TUFT1: variants seen among roughly 807,000 people sequenced by gnomAD.
The protein encoded by TUFT1 is tuftelin.
In TUFT1, 43 loss-of-function variants were observed where a neutral mutation model predicts 57.8. The observed-to-expected ratio is 0.74, with a 90% CI of 0.58 to 0.96. The LOEUF is 0.96. TUFT1 is among the 40% of genes least tolerant of loss of function. The pLI is 0.00. For synonymous variants in TUFT1, 166 were observed against 176.7 expected, an observed-to-expected ratio of 0.94 and a Z score of 0.48; for missense variants, 459 against 489.0, an observed-to-expected ratio of 0.94 and a Z score of 0.58.
chr1:151,566,212 A>G lies in TUFT1; in HGVS notation c.464A>G (p.Tyr155Cys). The G allele has an allele frequency of 3.7e-6, 6 of 1,611,910 alleles. No homozygotes were observed. In the South Asian group the frequency reaches 5.5e-5, roughly 15 times the overall value. ...NGFSQSPTAL[Y>C]SSPPEVDTCI... is the part of the protein sequence containing the mutation. ...TTTAGTCAGAGTCCCACAGCCCTGT[A>G]CAGCAGCCCACCTGAGGTAGGTAAC... The change falls in exon 6 of 13, where the codon TAC (tyrosine) becomes TGC (cysteine). Residue 155 changes from tyrosine to cysteine, a missense_variant. By Grantham distance (194) the Tyr-to-Cys change is radical. Transcript: ENST00000368849.
chr1:151,566,324 C>CTT, intron 6 of TUFT1, 96 bp downstream of exon 6: 7 of 978,582 alleles, frequency 7.2e-6, no homozygotes, highest in Non-Finnish European at 1.1e-5. Context: ...CTCTCTCTCT[C>CTT]TCTCATTAAA....
At position 151,583,279 on chromosome 1, in the gene TUFT1, A is replaced by G. The variant is rs1265433760; in HGVS notation, c.*1572A>G. The G allele has an allele frequency of 6.6e-6, 1 of 152,172 alleles. No individual in the cohort carries two copies. The highest frequency in any genetic ancestry group is 6.5e-5 in the Admixed American group (1 of 15,274). 9.4% of individuals were successfully genotyped at this position (152,172 alleles called of 1,614,324 possible). A position where few individuals can be genotyped will look rare whatever the true frequency, so the allele number is the denominator to read the frequency against. The stretch of plus-strand genomic sequence containing the variant: ...CTCTTCCTACAACCTTGAGAAGTAG[A>G]TAGGCATCAGAGTATGGTACTATAG... On this transcript the variant is annotated 3_prime_UTR_variant, in exon 13 of 13. Transcript: ENST00000368849.
At position 151,563,886 on chromosome 1, in the gene TUFT1, ATGG is replaced by A. The variant is rs1278158546; in HGVS notation, c.238-15_238-13del. The A allele has an allele frequency of 6.2e-7, 1 of 1,608,122 alleles. No individual in the cohort carries two copies. Among genetic ancestry groups the A allele is most frequent in the Non-Finnish European group, 8.5e-7 (1 of 1,174,560 alleles). Reference sequence around the variant, plus strand: ...ATTTAATTTGAGGTTTCTTAACTAAATGGTGTTCTTATTTCAGGTGTACTTGAA... The same window carrying A: ...ATTTAATTTGAGGTTTCTTAACTAAATGTTCTTATTTCAGGTGTACTTGAA... On this transcript the variant is annotated splice_polypyrimidine_tract_variant and intron_variant, in intron 3 of 12. Coordinates refer to ENST00000368849, the MANE Select transcript of TUFT1 (RefSeq NM_020127.3).
intron 7 of TUFT1, among the ~76,000 whole-genome samples, chr1:151,570,266 A>G (rs535354302): frequency 6.6e-6 from 1 of 152,352 alleles, no homozygotes; most frequent in African/African-American, 2.4e-5. Flanking sequence ...CTCTAAACTC[A>G]GCTTTGCTAT....
intron 7 of TUFT1, among the ~76,000 whole-genome samples, chr1:151,571,203 T>G (rs1666239540): frequency 6.6e-6 from 1 of 152,224 alleles, no homozygotes; most frequent in East Asian, 1.9e-4. Flanking sequence ...GGAGAATTTT[T>G]GAGAAGAGGC....
chr1:151,569,846 T>C (rs770731786), intron 7 of TUFT1, 76 bp downstream of exon 7: 80 of 1,187,124 alleles, frequency 6.7e-5, no homozygotes, highest in Non-Finnish European at 9.4e-5. Flanking sequence ...TGTCTCAGCT[T>C]GGACTTCCTG....
chr1:151,564,855 C>T, intron 5 of TUFT1: 1 of 354,476 alleles, frequency 2.8e-6, no homozygotes, highest in East Asian at 4.9e-5. Context: ...AAACACTGTA[C>T]AGAAATTGAA....
At chr1:151,561,983 A>G in intron 1 of TUFT1, 108 bp from the exon 2 acceptor site, 3 of 1,478,972 alleles carry the variant, frequency 2.0e-6, no homozygotes, top group Admixed American at 3.6e-5. Flanking sequence ...AGTGGTGATG[A>G]TAAGACCCGC....
intron 9 of TUFT1, among the ~76,000 whole-genome samples, chr1:151,576,730 T>A (rs766762234): frequency 5.9e-5 from 9 of 152,108 alleles, no homozygotes; most frequent in Non-Finnish European, 1.2e-4. Flanking sequence ...CCTCCTGGGT[T>A]CAGCCTCAGC....
chr1:151,545,979 T>G, intron 1 of TUFT1: 1 of 332,074 alleles, frequency 3.0e-6, no homozygotes. Context: ...GTTTTATCTT[T>G]CTTTCGAATA....
At position 151,582,404 on chromosome 1, in the gene TUFT1, A is replaced by C; in HGVS notation, c.*697A>C. The C allele has an allele frequency of 1.2e-5, 4 of 336,038 alleles. No homozygotes were observed. Among genetic ancestry groups the C allele is most frequent in the Non-Finnish European group, 2.3e-5 (4 of 170,236 alleles). 20.8% of individuals were successfully genotyped at this position (336,038 alleles called of 1,614,324 possible). A position where few individuals can be genotyped will look rare whatever the true frequency, so the allele number is the denominator to read the frequency against. ...TGTGTGACTTCTCTCTGCTGTGAAA[A>C]CTCCCAGAGTCTCTTTAGGGATTTT... is the stretch of plus-strand genomic sequence containing the variant. On this transcript the variant is annotated 3_prime_UTR_variant, in exon 13 of 13. Transcript: ENST00000368849.
chr1:151,543,645 G>C (rs1323438653), intron 1 of TUFT1, among the ~76,000 whole-genome samples: 1 of 152,168 alleles, frequency 6.6e-6, no homozygotes, highest in African/African-American at 2.4e-5. Flanking sequence ...TCTGGGGCCT[G>C]GGTAAGTGGA....
chr1:151,569,753 G>A lies in TUFT1; in HGVS notation c.577G>A (p.Asp193Asn), dbSNP rs898941767. 2 of 1,613,816 alleles carry A rather than the reference G, an allele frequency of 1.2e-6. No homozygotes were observed. Among genetic ancestry groups the A allele is most frequent in the Non-Finnish European group, 1.7e-6 (2 of 1,179,892 alleles). Reference sequence around the variant, plus strand: ...GGAGGCCAAGCGGCAACACCAGTCAGACTGTGTGGCTTTTGAGGTGAGATT... The same window carrying A: ...GGAGGCCAAGCGGCAACACCAGTCAAACTGTGTGGCTTTTGAGGTGAGATT... ...LQEAKRQHQSDCVAFEVTLSR... is the reference protein window; with the variant it reads ...LQEAKRQHQSNCVAFEVTLSR... Residue 193 changes from aspartate (D) to asparagine (N), a missense_variant, in exon 7 of 13, where the codon GAC becomes AAC. Transcript: ENST00000368849.
At chr1:151,580,049 G>A (rs1206551309) in intron 11 of TUFT1, among the ~76,000 whole-genome samples, 2 of 152,206 alleles carry the variant, frequency 1.3e-5, no homozygotes, top group African/African-American at 2.4e-5. Context: ...TGGCAGTGGT[G>A]CTGGGCTGTG....
intron 1 of TUFT1, 77 bp downstream of exon 1, chr1:151,540,503 C>T: frequency 1.9e-6 from 3 of 1,559,240 alleles, no homozygotes; most frequent in African/African-American, 1.4e-5. Flanking sequence ...TGCCCCGCGC[C>T]GTGTTGGCTG....
chr1:151,566,354 A>C, intron 6 of TUFT1, 126 bp downstream of exon 6: 1 of 746,026 alleles, frequency 1.3e-6, no homozygotes, highest in South Asian at 1.7e-5. Context: ...AGTAGTTGAC[A>C]TAAAAATTCA....
chr1:151,558,052 C>A, intron 1 of TUFT1: 1 of 348,370 alleles, frequency 2.9e-6, no homozygotes, highest in South Asian at 2.3e-5. Context: ...CATCTTTTTT[C>A]AACTCATGTT....
intron 3 of TUFT1, 44 bp from the exon 4 acceptor site, chr1:151,563,860 A>G (rs1405463141): frequency 6.5e-7 from 1 of 1,541,990 alleles, no homozygotes; most frequent in East Asian, 2.2e-5. Flanking sequence ...TTGTATAGTT[A>G]ATTTAATTTG....
At position 151,554,743 on chromosome 1, in the gene TUFT1, G is replaced by A. The variant is rs184100473; in HGVS notation, c.61-7348G>A. ...TTTTGAGACAGAGTCTCACTCCGTT[G>A]CCCAGACTGGAGTGCAATAGCACAG... is the stretch of plus-strand genomic sequence containing the variant. On this transcript the variant is annotated intron_variant, in intron 1 of 12. Transcript: ENST00000368849. Among the ~76,000 whole-genome samples, 82 of 107,826 alleles carry A rather than the reference G, an allele frequency of 7.6e-4. 1 individual carries two copies. The East Asian group carries it at 0.017, about 23-fold the overall frequency. The allele number at this position is 107,826 out of a possible 152,430, so 70.7% of individuals were successfully genotyped here.
Sources: gnomAD v4.1 joint callset for allele counts (sites outside exome capture counted in the v4.1 genomes callset) on GRCh38, gnomAD v4.1.1 for gene constraint, MANE v1.5 for transcripts, NCBI Gene and HGNC (gene_info 2026-07-23, HGNC 2026-07-21) for gene names.